Variants in TTC7A observed in about 807,000 individuals in gnomAD.
The protein encoded by TTC7A is tetratricopeptide repeat protein 7A.
Under a neutral mutation model 103.7 loss-of-function variants are expected in TTC7A, and 110 were observed. The ratio of observed to expected loss-of-function variants is 1.06; its 90% CI spans 0.91 to 1.24. The LOEUF is 1.24. Among genes scored for constraint, TTC7A ranks in the 50% most tolerant of loss-of-function variants. The pLI is 0.00. For missense variants in TTC7A, 1,340 were observed against 1,116.3 expected, an observed-to-expected ratio of 1.20 and a Z score of -2.86; for synonymous variants, 521 against 467.9, an observed-to-expected ratio of 1.11 and a Z score of -1.47.
upstream of TTC7A, among the ~76,000 whole-genome samples, chr2:46,936,607 A>G (rs1277061485): frequency 5.9e-5 from 9 of 152,218 alleles, no homozygotes; most frequent in South Asian, 1.2e-3. Context: ...CAACCTGTCT[A>G]TGGCTTCCTC....
intron 2 of TTC7A, among the ~76,000 whole-genome samples, chr2:46,919,889 G>T (rs1055399493): frequency 2.0e-5 from 3 of 152,224 alleles, no homozygotes; most frequent in Admixed American, 6.5e-5. Flanking sequence ...ACCTCAATGG[G>T]TTGCATGTTC....
At chr2:47,056,415 C>T (rs1411885148) in intron 18 of TTC7A, among the ~76,000 whole-genome samples, 2 of 152,220 alleles carry the variant, frequency 1.3e-5, no homozygotes, top group Non-Finnish European at 2.9e-5. Flanking sequence ...AGCACACTCA[C>T]CTGGAGAAGC....
intron 14 of TTC7A, among the ~76,000 whole-genome samples, chr2:47,025,900 T>C (rs55686748): frequency 0.19 from 28,601 of 152,192 alleles, 3,015 homozygotes; most frequent in African/African-American, 0.29. Context: ...CTCCCAGGAA[T>C]ACCAACTTTA....
In TTC7A at chr2:47,073,926, A is replaced by G. The variant is rs1407629780; in HGVS notation, c.*3A>G. ...CCATCATCCCCAGAGAGCTCTGACG[A>G]CGCTGCAGCCGCAGGGAGGGAGGGG... is the stretch of plus-strand genomic sequence containing the variant. On this transcript the variant is annotated 3_prime_UTR_variant, in exon 20 of 20. Transcript: ENST00000319190. 1 of 1,607,438 alleles carries G rather than the reference A, an allele frequency of 6.2e-7. No individual in the cohort carries two copies. The highest frequency in any genetic ancestry group is 1.1e-5 in the South Asian group (1 of 90,728).
intron 19 of TTC7A, among the ~76,000 whole-genome samples, chr2:47,070,884 A>G (rs1390377975): frequency 6.6e-6 from 1 of 152,182 alleles, no homozygotes; most frequent in African/African-American, 2.4e-5. Flanking sequence ...CTGGCAGCAC[A>G]GCCATGGCAT....
At chr2:47,036,896 A>G (rs999059824) in intron 15 of TTC7A, among the ~76,000 whole-genome samples, 2 of 152,148 alleles carry the variant, frequency 1.3e-5, no homozygotes, top group East Asian at 3.8e-4. Flanking sequence ...TGGGTGAGAG[A>G]CCATGTGTCT....
intron 1 of TTC7A, among the ~76,000 whole-genome samples, chr2:46,943,615 C>T (rs1670661282): frequency 6.6e-6 from 1 of 152,248 alleles, no homozygotes; most frequent in East Asian, 1.9e-4. Context: ...ATGCGTAGAG[C>T]ATTGTTTGGA....
At chr2:47,032,825 GA>G (rs1360672968) in intron 15 of TTC7A, among the ~76,000 whole-genome samples, 3 of 95,486 alleles carry the variant, frequency 3.1e-5, no homozygotes, top group African/African-American at 1.2e-4. Context: ...TTGGCCTCCA[GA>G]ATTGTAAGAG....
chr2:47,025,818 A>C (rs1370364471), intron 14 of TTC7A, among the ~76,000 whole-genome samples: 19 of 136,772 alleles, frequency 1.4e-4, no homozygotes, highest in South Asian at 2.4e-4. Flanking sequence ...CCCTGTCCCC[A>C]CTCCTCACTC....
In TTC7A at chr2:47,006,666, C is replaced by T. The variant is rs771992889; in HGVS notation, c.1229C>T (p.Ala410Val). 24 of 1,613,984 alleles carry T rather than the reference C, an allele frequency of 1.5e-5. No homozygotes were observed. The highest frequency in any genetic ancestry group is 4.5e-5 in the East Asian group (2 of 44,882). The change falls in exon 10 of 20, where the codon GCG (alanine) becomes GTG (valine). Residue 410 changes from alanine to valine, a missense_variant. Physicochemically the swap from Ala to Val is moderately conservative, Grantham distance 64 (BLOSUM62 0). Transcript: ENST00000319190. The part of the protein sequence containing the change: ...SECLERAMKF[A>V]FGEFHLWYQV... ...TGCCTGGAGCGAGCCATGAAGTTTGCGTTTGGAGAATTTCACCTTTGGTAC... is the reference window on the plus strand; with the variant it reads ...TGCCTGGAGCGAGCCATGAAGTTTGTGTTTGGAGAATTTCACCTTTGGTAC...
intron 3 of TTC7A, among the ~76,000 whole-genome samples, chr2:46,968,965 C>T (rs114977142): frequency 0.04 from 5,917 of 149,750 alleles, 152 homozygotes; most frequent in Middle Eastern, 0.066. Flanking sequence ...GATAAAGTCT[C>T]GCTATGTTGC....
In TTC7A at chr2:47,011,382, G is replaced by A. The variant is rs753339703; in HGVS notation, c.1339G>A (p.Asp447Asn). 1 of 1,612,284 alleles carries A rather than the reference G, an allele frequency of 6.2e-7. No individual in the cohort carries two copies. Among genetic ancestry groups the A allele is most frequent in the East Asian group, 2.2e-5 (1 of 44,856 alleles). ...GGAGTGTGTGAAGTTGCGGCCCTCG[G>A]ACCCCACCGTGCCCCTGATGGCCGC... is the stretch of plus-strand genomic sequence containing the variant. ...LRECVKLRPS[D>N]PTVPLMAAKV... Residue 447 changes from aspartate (D) to asparagine (N), a missense_variant, in exon 11 of 20, where the codon GAC becomes AAC. Transcript: ENST00000319190.
At chr2:47,012,326 A>G (rs567450580) in intron 11 of TTC7A, among the ~76,000 whole-genome samples, 72 of 152,340 alleles carry the variant, frequency 4.7e-4, no homozygotes, top group South Asian at 1.0e-3. Context: ...AACACAGAGC[A>G]AGCGCATTCT....
At chr2:47,021,390 C>T (rs1679255592) in intron 11 of TTC7A, among the ~76,000 whole-genome samples, 1 of 152,230 alleles carries the variant, frequency 6.6e-6, no homozygotes, top group African/African-American at 2.4e-5. Flanking sequence ...AACAGTCCCT[C>T]CTGCTTCCAG....
At chr2:46,928,437 C>G (rs1225368469) in intron 2 of TTC7A, among the ~76,000 whole-genome samples, 1 of 141,898 alleles carries the variant, frequency 7.0e-6, no homozygotes, top group East Asian at 2.0e-4. Flanking sequence ...CTCTTTCAAG[C>G]TCAGGTGGTG....
intron 2 of TTC7A, chr2:46,951,857 C>T: frequency 2.9e-6 from 1 of 348,242 alleles, no homozygotes. Flanking sequence ...GGTTGCAGGT[C>T]TCTTGGGAAG....
chr2:46,968,013 G>A (rs943645247), intron 3 of TTC7A, among the ~76,000 whole-genome samples: 3 of 152,154 alleles, frequency 2.0e-5, no homozygotes, highest in African/African-American at 7.2e-5. Flanking sequence ...GGGAGGGAAG[G>A]GGTTCTGTTG....
At chr2:47,038,916 G>A (rs1681448295) in intron 15 of TTC7A, among the ~76,000 whole-genome samples, 1 of 152,074 alleles carries the variant, frequency 6.6e-6, no homozygotes, top group Admixed American at 6.6e-5. Context: ...CAGGCACCAA[G>A]GATACAAAGA....
intron 10 of TTC7A, among the ~76,000 whole-genome samples, chr2:47,010,097 A>G (rs1224129101): frequency 6.6e-6 from 1 of 152,138 alleles, no homozygotes; most frequent in Non-Finnish European, 1.5e-5. Flanking sequence ...CCATCTGTAA[A>G]GTAGAGTCAG....
Sources: gnomAD v4.1 joint callset for allele counts (sites outside exome capture counted in the v4.1 genomes callset) on GRCh38, gnomAD v4.1.1 for gene constraint, MANE v1.5 for transcripts, NCBI Gene and HGNC (gene_info 2026-07-23, HGNC 2026-07-21) for gene names.